Variants in STIM1 observed in about 807,000 individuals in gnomAD.
STIM1 encodes stromal interaction molecule 1.
Under a neutral mutation model 74.7 loss-of-function variants are expected in STIM1, and 25 were observed. That is an observed-to-expected ratio of 0.33 (90% CI 0.24 to 0.47). STIM1 has a LOEUF of 0.47. Among genes scored for constraint, STIM1 ranks in the 20% least tolerant of loss-of-function variants. The pLI is 1.00. For synonymous variants in STIM1, 328 were observed against 348.8 expected (o/e 0.94, Z 0.66); for missense variants, 728 against 920.8 (o/e 0.79, Z 2.71).
chr11:4,021,477 A>G (rs1422452587), intron 2 of STIM1, among the ~76,000 whole-genome samples: 1 of 152,106 alleles, frequency 6.6e-6, no homozygotes, highest in Non-Finnish European at 1.5e-5. Context: ...TTGTTCATGC[A>G]TTTGTCCAAA....
At position 4,090,035 on chromosome 11, in the gene STIM1, A is replaced by G. The variant is rs535807171; in HGVS notation, c.1635-1247A>G. ...ACCACCAGCTCCTTAAAGGGTCTCA[A>G]GTTCCTAGACTAGCCTGTGTGTGTG... On this transcript the variant is annotated intron_variant, in intron 12 of 12. Coordinates refer to ENST00000526596, the MANE Select transcript of STIM1 (RefSeq NM_001382567.1). 1.7e-3 allele frequency among the ~76,000 whole-genome samples: 263 copies of G among 152,194 alleles called. 2 individuals carry two copies. Among genetic ancestry groups the G allele is most frequent in the African/African-American group, 6.1e-3 (255 of 41,502 alleles).
intron 2 of STIM1, among the ~76,000 whole-genome samples, chr11:4,023,466 C>G (rs528151817): frequency 6.6e-6 from 1 of 152,182 alleles, no homozygotes; most frequent in East Asian, 1.9e-4. Context: ...TGTGATAATT[C>G]ATTGGTTGTG....
At chr11:3,899,042 A>G (rs1201392298) in intron 1 of STIM1, among the ~76,000 whole-genome samples, 1 of 152,118 alleles carries the variant, frequency 6.6e-6, no homozygotes, top group Non-Finnish European at 1.5e-5. Flanking sequence ...GTTTTTTCCA[A>G]TTCTGTGAAG....
intron 5 of STIM1, among the ~76,000 whole-genome samples, chr11:4,061,884 A>G (rs1191233875): frequency 6.6e-6 from 1 of 152,236 alleles, no homozygotes; most frequent in East Asian, 1.9e-4. Context: ...GCCAGACACA[A>G]AAGATCACAT....
At chr11:3,909,466 G>C (rs1030275389) in intron 1 of STIM1, among the ~76,000 whole-genome samples, 6 of 152,172 alleles carry the variant, frequency 3.9e-5, no homozygotes, top group Non-Finnish European at 5.9e-5. Flanking sequence ...AGCAGAAGCA[G>C]ATATATTCAG....
In STIM1 at chr11:3,967,620, A is replaced by T. The variant is rs2093351712; in HGVS notation, c.208A>T (p.Asn70Tyr). 2 of 1,614,096 alleles carry T rather than the reference A, an allele frequency of 1.2e-6. No homozygotes were observed. The highest frequency in any genetic ancestry group is 3.3e-5 in the Admixed American group (2 of 60,004). The part of the protein sequence containing the change: ...DEKLSFEAVR[N>Y]IHKLMDDDAN... ...GAAACTCAGCTTCGAGGCAGTCCGT[A>T]ACATCCACAAACTGATGGACGATGA... The change falls in exon 2 of 13, where the codon AAC (asparagine) becomes TAC (tyrosine). Residue 70 changes from asparagine to tyrosine, a missense_variant. Coordinates refer to ENST00000526596, the MANE Select transcript of STIM1 (RefSeq NM_001382567.1).
intron 2 of STIM1, among the ~76,000 whole-genome samples, chr11:4,000,338 G>A (rs1009112421): frequency 3.3e-5 from 5 of 151,640 alleles, no homozygotes; most frequent in Non-Finnish European, 7.4e-5. Context: ...GCACCCCCCA[G>A]TAGGGGCAGA....
chr11:4,014,051 C>T (rs1414829677), intron 2 of STIM1, among the ~76,000 whole-genome samples: 2 of 152,096 alleles, frequency 1.3e-5, no homozygotes, highest in African/African-American at 4.8e-5. Context: ...CTATCTCCTT[C>T]AGTTCTGCTG....
At chr11:4,005,104 G>T (rs1461610792) in intron 2 of STIM1, among the ~76,000 whole-genome samples, 1 of 152,160 alleles carries the variant, frequency 6.6e-6, no homozygotes, top group African/African-American at 2.4e-5. Context: ...AGAGGATGTG[G>T]AATAATAGGA....
At chr11:4,083,110 C>A in intron 9 of STIM1, 128 bp downstream of exon 9, 1 of 1,176,162 alleles carries the variant, frequency 8.5e-7, no homozygotes, top group Non-Finnish European at 1.3e-6. Flanking sequence ...CCTGCCTCAG[C>A]CTTTATTTAT....
chr11:4,063,448 T>C (rs1434097506), intron 5 of STIM1, among the ~76,000 whole-genome samples: 2 of 152,244 alleles, frequency 1.3e-5, no homozygotes, highest in African/African-American at 4.8e-5. Context: ...CTTTTGAGTC[T>C]CTGTGTCGGA....
At chr11:3,941,673 T>TATATAGAGAGAGAC (rs141623520) in intron 1 of STIM1, among the ~76,000 whole-genome samples, 1 of 90,730 alleles carries the variant, frequency 1.1e-5, no homozygotes, top group Non-Finnish European at 2.3e-5. Context: ...TATATATATA[T>TATATAGAGAGAGAC]AGAGAGAGAG....
intron 1 of STIM1, among the ~76,000 whole-genome samples, chr11:3,864,396 G>A (rs930723381): frequency 6.6e-5 from 10 of 152,198 alleles, no homozygotes; most frequent in African/African-American, 2.4e-4. Context: ...TCATGAGATG[G>A]CAGTCAAACT....
At chr11:4,055,393 T>C (rs2094280386) in intron 3 of STIM1, 133 bp from the exon 4 acceptor site, 1 of 733,358 alleles carries the variant, frequency 1.4e-6, no homozygotes, top group African/African-American at 1.7e-5. Flanking sequence ...GTATACTCCT[T>C]TCATACTTAG....
chr11:4,077,895 A>G (rs1308264505), intron 7 of STIM1, among the ~76,000 whole-genome samples: 1 of 152,186 alleles, frequency 6.6e-6, no homozygotes. Flanking sequence ...TTCCCTGTCC[A>G]GAATTTCTAT....
chr11:3,887,006 A>G (rs76908254), intron 1 of STIM1, among the ~76,000 whole-genome samples: 1 of 147,074 alleles, frequency 6.8e-6, no homozygotes, highest in Non-Finnish European at 1.5e-5. Context: ...TGTCTCAAAG[A>G]AAAAAAAAAA....
intron 11 of STIM1, 43 bp downstream of exon 11, chr11:4,084,808 G>A (rs958358807): frequency 1.0e-5 from 13 of 1,281,608 alleles, no homozygotes; most frequent in African/African-American, 4.6e-5. Context: ...TCTGACTTTC[G>A]GGACTAAATC....
intron 2 of STIM1, among the ~76,000 whole-genome samples, chr11:4,000,485 T>G (rs915324307): frequency 6.6e-6 from 1 of 151,732 alleles, no homozygotes; most frequent in African/African-American, 2.4e-5. Flanking sequence ...GGGTCTGGAG[T>G]GGACCTCTAG....
intron 7 of STIM1, among the ~76,000 whole-genome samples, chr11:4,081,712 G>T (rs1480235959): frequency 2.0e-5 from 3 of 152,228 alleles, no homozygotes; most frequent in Admixed American, 1.3e-4. Context: ...GCCGGTTTAG[G>T]AAGCACAGGG....
Sources: allele counts gnomAD v4.1 joint callset (sites outside exome capture counted in the v4.1 genomes callset), GRCh38; gene constraint gnomAD v4.1.1; transcripts MANE v1.5; gene names NCBI Gene and HGNC (gene_info 2026-07-23, HGNC 2026-07-21).